The following ANXA3 variants were observed in gnomAD, a reference collection of about 807,000 sequenced individuals.
The protein encoded by ANXA3 is annexin A3.
In ANXA3, 46 loss-of-function variants were observed where a neutral mutation model predicts 48.8. The ratio of observed to expected loss-of-function variants is 0.94; its 90% CI spans 0.74 to 1.21. The LOEUF is 1.21. Ranked by LOEUF, ANXA3 falls within the 50% of genes most tolerant of loss-of-function variation. The probability of loss-of-function intolerance (pLI) is 0.00; values close to 1 mark genes in which losing one functional copy is unlikely to be tolerated. For missense variants in ANXA3, 383 were observed against 378.6 expected, an observed-to-expected ratio of 1.01 and a Z score of -0.10; for synonymous variants, 128 against 134.7, an observed-to-expected ratio of 0.95 and a Z score of 0.35.
chr4:78,595,734 C>A, intron 8 of ANXA3, 60 bp from the exon 9 acceptor site: 1 of 1,050,578 alleles, frequency 9.5e-7, no homozygotes, highest in Non-Finnish European at 1.5e-6. Context: ...TCCGATTCTT[C>A]TCATGTCACC....
At chr4:78,603,336 G>C (rs544304737) in intron 11 of ANXA3, 1 of 152,232 alleles carries the variant, frequency 6.6e-6, no homozygotes, top group Admixed American at 6.5e-5. Flanking sequence ...GCCATCATTA[G>C]GTCAAAATCC....
intron 6 of ANXA3, 102 bp downstream of exon 6, chr4:78,586,452 G>C: frequency 1.2e-6 from 1 of 800,712 alleles, no homozygotes; most frequent in Non-Finnish European, 2.0e-6. Flanking sequence ...ATTTTGAGAA[G>C]ACAAGACTTA....
intron 10 of ANXA3, among the ~76,000 whole-genome samples, chr4:78,597,998 A>G (rs1723456171): frequency 6.6e-6 from 1 of 152,118 alleles, no homozygotes; most frequent in African/African-American, 2.4e-5. Flanking sequence ...GAGCTGAAAT[A>G]TTTTATTTCT....
intron 2 of ANXA3, among the ~76,000 whole-genome samples, chr4:78,560,902 C>G (rs191981661): frequency 6.6e-6 from 1 of 152,274 alleles, no homozygotes; most frequent in East Asian, 1.9e-4. Flanking sequence ...TTAAGGCACA[C>G]AGTTTCCAAT....
At chr4:78,578,336 AGGGAGGGAGGGAGG>A (rs1723003059) in intron 3 of ANXA3, among the ~76,000 whole-genome samples, 2 of 67,118 alleles carry the variant, frequency 3.0e-5, no homozygotes, top group South Asian at 6.6e-4. Context: ...AGAGAAAGGG[AGGGAGGGAGGGAGG>A]GAAGGAGGGA....
In ANXA3 at chr4:78,595,587, C is replaced by T. The variant is rs1022000654; in HGVS notation, c.540+150C>T. On this transcript the variant is annotated intron_variant, in intron 8 of 12. Transcript: ENST00000264908. ...AAAGAGAAGCCTGAAGCTTGGGGAT[C>T]GGAACCCTAACTTTTTGCCTGCCCC... 63 of 977,612 alleles carry T rather than the reference C, an allele frequency of 6.4e-5. 1 individual carries two copies. In the Middle Eastern group the frequency reaches 1.5e-3, roughly 24 times the overall value. The allele number at this position is 977,612 out of a possible 1,614,324, so 60.6% of individuals were successfully genotyped here.
chr4:78,557,929 A>G (rs1411291963), intron 2 of ANXA3, among the ~76,000 whole-genome samples: 2 of 152,226 alleles, frequency 1.3e-5, no homozygotes. Flanking sequence ...ACCCATGTTC[A>G]CTGCAGTACT....
At chr4:78,599,871 G>A (rs1723500130) in intron 10 of ANXA3, among the ~76,000 whole-genome samples, 2 of 152,104 alleles carry the variant, frequency 1.3e-5, no homozygotes, top group African/African-American at 4.8e-5. Context: ...GCTCCAGTGA[G>A]CTATGTTGGT....
At chr4:78,596,741 T>C (rs1233754893) in intron 9 of ANXA3, among the ~76,000 whole-genome samples, 1 of 152,240 alleles carries the variant, frequency 6.6e-6, no homozygotes, top group Non-Finnish European at 1.5e-5. Flanking sequence ...AATTTCTTTT[T>C]TTAAAAATGT....
intron 1 of ANXA3, among the ~76,000 whole-genome samples, chr4:78,553,303 T>A (rs928550199): frequency 6.6e-6 from 1 of 152,228 alleles, no homozygotes; most frequent in Non-Finnish European, 1.5e-5. Flanking sequence ...TGGATGATTG[T>A]GCGGCTTGTA....
At chr4:78,584,462 C>T (rs1395575943) in intron 5 of ANXA3, among the ~76,000 whole-genome samples, 2 of 152,250 alleles carry the variant, frequency 1.3e-5, no homozygotes, top group Admixed American at 6.5e-5. Context: ...AGGTGTAAGC[C>T]ACTGCACCTG....
chr4:78,562,879 G>A (rs939796432), intron 2 of ANXA3, among the ~76,000 whole-genome samples: 3 of 152,134 alleles, frequency 2.0e-5, no homozygotes, highest in East Asian at 1.9e-4. Flanking sequence ...CCAGGCAGAC[G>A]GAATGATAAG....
At chr4:78,599,733 A>G (rs1001695453) in intron 10 of ANXA3, among the ~76,000 whole-genome samples, 1 of 152,020 alleles carries the variant, frequency 6.6e-6, no homozygotes, top group African/African-American at 2.4e-5. Flanking sequence ...TCCATTTTAT[A>G]TTGTTAATCT....
chr4:78,586,399 C>T, intron 6 of ANXA3, 49 bp downstream of exon 6: 1 of 1,412,518 alleles, frequency 7.1e-7, no homozygotes, highest in Non-Finnish European at 9.9e-7. Context: ...ATATTTGAGC[C>T]AATGTTGCTT....
chr4:78,575,772 A>T (rs1722937674), intron 3 of ANXA3, among the ~76,000 whole-genome samples: 1 of 152,196 alleles, frequency 6.6e-6, no homozygotes, highest in Non-Finnish European at 1.5e-5. Flanking sequence ...TCCAGGATTT[A>T]TGCTTATTGA....
intron 3 of ANXA3, among the ~76,000 whole-genome samples, chr4:78,576,012 T>C (rs527559551): frequency 2.5e-4 from 38 of 152,304 alleles, no homozygotes; most frequent in Non-Finnish European, 4.1e-4. Context: ...ATATCACCTA[T>C]GTTTTATGCT....
intron 12 of ANXA3, among the ~76,000 whole-genome samples, chr4:78,604,706 A>T (rs1021181035): frequency 5.3e-5 from 8 of 152,192 alleles, no homozygotes; most frequent in African/African-American, 1.9e-4. Context: ...TATTTATTTC[A>T]GTCTTTATGA....
chr4:78,594,095 T>C (rs1723364526), intron 7 of ANXA3, among the ~76,000 whole-genome samples: 1 of 152,170 alleles, frequency 6.6e-6, no homozygotes, highest in African/African-American at 2.4e-5. Flanking sequence ...ATCTTCTTAC[T>C]GTCTCTATAG....
In ANXA3 at chr4:78,597,724, C is replaced by T. The variant is rs530936211; in HGVS notation, c.730+310C>T. ...ACCTCCTGGGCTCAAGCAGTCCTCC[C>T]ACCTCAGCCTCCCAAGTAGCTGAGA... is the stretch of plus-strand genomic sequence containing the variant. On this transcript the variant is annotated intron_variant, in intron 10 of 12. Transcript: ENST00000264908. Among the ~76,000 whole-genome samples, 341 of 152,140 alleles carry T rather than the reference C, an allele frequency of 2.2e-3. 1 individual carries two copies. The highest frequency in any genetic ancestry group is 2.8e-3 in the Non-Finnish European group (190 of 67,984).
Sources: gnomAD v4.1 joint callset for allele counts (sites outside exome capture counted in the v4.1 genomes callset) on GRCh38, gnomAD v4.1.1 for gene constraint, MANE v1.5 for transcripts, NCBI Gene and HGNC (gene_info 2026-07-23, HGNC 2026-07-21) for gene names.